RIMS2: variants seen among roughly 807,000 people sequenced by gnomAD.
RIMS2 encodes the protein regulating synaptic membrane exocytosis protein 2.
A neutral mutation model predicts 174.4 loss-of-function variants in RIMS2; 59 were observed. The observed-to-expected ratio is 0.34, with a 90% confidence interval of 0.27 to 0.42. The LOEUF is 0.42. RIMS2 is among the 10% of genes least tolerant of loss of function. The pLI is 1.00. For synonymous variants in RIMS2, 606 were observed against 572.5 expected, an observed-to-expected ratio of 1.06 and a Z score of -0.84; for missense variants, 1,620 against 1,666.3, an observed-to-expected ratio of 0.97 and a Z score of 0.48.
At chr8:103,866,453 G>A (rs1385160426) in intron 3 of RIMS2, among the ~76,000 whole-genome samples, 1 of 152,022 alleles carries the variant, frequency 6.6e-6, no homozygotes, top group Admixed American at 6.6e-5. Context: ...CACTGCACAG[G>A]TATACAGAGT....
intron 1 of RIMS2, among the ~76,000 whole-genome samples, chr8:103,540,838 G>T (rs966117360): frequency 6.6e-6 from 1 of 151,980 alleles, no homozygotes; most frequent in East Asian, 1.9e-4. Context: ...AAACAAAAAA[G>T]AAAATCTGGA....
chr8:104,051,460 G>T (rs1384481033), intron 19 of RIMS2, among the ~76,000 whole-genome samples: 1 of 151,994 alleles, frequency 6.6e-6, no homozygotes, highest in Admixed American at 6.6e-5. Flanking sequence ...TTAGAGTAAA[G>T]GGGTGAGAAT....
rs113404537 is a variant in RIMS2, at chr8:103,766,144, T to C, written c.388-83T>C. ...TCAGAAGGATAACCACGTAATTTTT[T>C]GTTTGCTTGAATTTTTGTCTCTTTT... On this transcript the variant is annotated intron_variant, in intron 2 of 23. Transcript: ENST00000504942. The C allele has an allele frequency of 2.2e-5, 20 of 891,930 alleles. No homozygotes were observed. The African/African-American group carries it at 2.3e-4, about 10-fold the overall frequency. The allele number at this position is 891,930 out of a possible 1,614,324, so 55.3% of individuals were successfully genotyped here. A position where few individuals can be genotyped will look rare whatever the true frequency, so the allele number is the denominator to read the frequency against.
chr8:103,573,474 G>T (rs2092987425), intron 1 of RIMS2, among the ~76,000 whole-genome samples: 2 of 151,858 alleles, frequency 1.3e-5, no homozygotes, highest in Non-Finnish European at 2.9e-5. Flanking sequence ...TATTGAATAG[G>T]GTATACTTTC....
chr8:103,836,215 T>G (rs1402943637), intron 3 of RIMS2, among the ~76,000 whole-genome samples: 2 of 152,320 alleles, frequency 1.3e-5, no homozygotes, highest in South Asian at 4.1e-4. Flanking sequence ...AAGTGTGTGC[T>G]GAAGAATTTT....
At chr8:103,885,560 G>A (rs2099195423) in exon 4 of RIMS2, 1 of 1,612,730 alleles carries the variant, frequency 6.2e-7, no homozygotes, top group South Asian at 1.1e-5. Context: ...AGATGAATAC[G>A]AAAGGCAAAG....
At chr8:103,515,054 T>C (rs969493429) in intron 1 of RIMS2, among the ~76,000 whole-genome samples, 1 of 152,236 alleles carries the variant, frequency 6.6e-6, no homozygotes, top group Non-Finnish European at 1.5e-5. Context: ...GCTAGTAATA[T>C]CCTTTAACTC....
chr8:104,046,779 C>G (rs1435038053), intron 19 of RIMS2, among the ~76,000 whole-genome samples: 4 of 151,816 alleles, frequency 2.6e-5, no homozygotes, highest in African/African-American at 9.7e-5. Flanking sequence ...CTTATATAAC[C>G]CTAGTACCCT....
intron 17 of RIMS2, among the ~76,000 whole-genome samples, chr8:104,010,177 C>T (rs539114899): frequency 7.9e-5 from 12 of 152,038 alleles, no homozygotes; most frequent in Middle Eastern, 3.4e-3. Flanking sequence ...TAAAGTACAT[C>T]GCAAAACTGA....
chr8:103,916,254 A>G (rs915118232), intron 7 of RIMS2, among the ~76,000 whole-genome samples, 160 bp from the exon 11 acceptor site: 8 of 152,072 alleles, frequency 5.3e-5, no homozygotes, highest in Non-Finnish European at 7.4e-5. Context: ...CAACATGGTC[A>G]TCAAATTTTG....
At chr8:103,543,930 A>G (rs1225056062) in intron 1 of RIMS2, among the ~76,000 whole-genome samples, 3 of 152,238 alleles carry the variant, frequency 2.0e-5, no homozygotes, top group Non-Finnish European at 2.9e-5. Flanking sequence ...GGTCTGTGCA[A>G]TGATTTTTTT....
intron 19 of RIMS2, chr8:104,015,475 G>T (rs756942926): frequency 7.3e-6 from 5 of 683,852 alleles, no homozygotes; most frequent in East Asian, 5.3e-5. Context: ...ATAAAAGAGG[G>T]TTTGTTTTGT....
At chr8:104,205,354 T>G (rs1489412223) in intron 19 of RIMS2, among the ~76,000 whole-genome samples, 2 of 152,198 alleles carry the variant, frequency 1.3e-5, no homozygotes, top group Non-Finnish European at 2.9e-5. Flanking sequence ...ATAATGTAAT[T>G]ACTTTCTGGC....
At chr8:103,905,439 AG>A (rs1191814053) in intron 4 of RIMS2, among the ~76,000 whole-genome samples, 2 of 152,046 alleles carry the variant, frequency 1.3e-5, no homozygotes, top group African/African-American at 4.8e-5. Context: ...GTTTCTGATG[AG>A]GGGTTGGCTA....
intron 16 of RIMS2, among the ~76,000 whole-genome samples, chr8:103,986,885 C>T (rs1240184253): frequency 1.4e-5 from 2 of 147,172 alleles, no homozygotes; most frequent in Non-Finnish European, 3.0e-5. Context: ...AAAAAAAAAA[C>T]AGTAAAATAA....
At chr8:103,868,864 A>G (rs1338522106) in intron 3 of RIMS2, among the ~76,000 whole-genome samples, 1 of 152,186 alleles carries the variant, frequency 6.6e-6, no homozygotes, top group African/African-American at 2.4e-5. Context: ...GGTATAAGAC[A>G]TAGAAAAAAC....
At chr8:103,697,984 A>G (rs77501254) in intron 2 of RIMS2, among the ~76,000 whole-genome samples, 3 of 151,944 alleles carry the variant, frequency 2.0e-5, no homozygotes, top group African/African-American at 4.8e-5. Context: ...AAAGAAAAAA[A>G]TTTGTGTCAG....
chr8:104,235,280 C>T (rs2099252341), intron 19 of RIMS2, among the ~76,000 whole-genome samples: 1 of 152,060 alleles, frequency 6.6e-6, no homozygotes, highest in Admixed American at 6.6e-5. Context: ...GATGGAAGCC[C>T]AGCATGCTTT....
At chr8:103,696,319 C>G (rs2097100406) in intron 1 of RIMS2, among the ~76,000 whole-genome samples, 1 of 151,888 alleles carries the variant, frequency 6.6e-6, no homozygotes, top group South Asian at 2.1e-4. Context: ...TGTTTTTTCT[C>G]TCTTTGGATT....
Sources: allele counts gnomAD v4.1 joint callset (sites outside exome capture counted in the v4.1 genomes callset), GRCh38; gene constraint gnomAD v4.1.1; transcripts MANE v1.5; gene names NCBI Gene and HGNC (gene_info 2026-07-23, HGNC 2026-07-21).